Variants in DST observed in about 807,000 individuals in gnomAD.
DST encodes the protein dystonin.
Under a neutral mutation model 875.2 loss-of-function variants are expected in DST, and 253 were observed. The observed-to-expected ratio is 0.29, with a 90% CI of 0.26 to 0.32. The LOEUF (loss-of-function observed/expected upper bound fraction) is 0.32. DST is among the 10% of genes least tolerant of loss of function. The pLI, the probability that DST is intolerant of heterozygous loss-of-function variation, is 1.00. For missense variants in DST, 8,287 were observed against 9,111.6 expected, an observed-to-expected ratio of 0.91 and a Z score of 3.68; for synonymous variants, 3,124 against 3,197.1, an observed-to-expected ratio of 0.98 and a Z score of 0.77.
intron 72 of DST, among the ~76,000 whole-genome samples, chr6:56,512,998 TC>T (rs1161952983): frequency 2.6e-5 from 4 of 152,192 alleles, no homozygotes; most frequent in African/African-American, 9.7e-5. Context: ...TGATGGTATA[TC>T]AGCTATAGAT....
chr6:56,949,686 G>C (rs1821383729), intron 2 of DST, among the ~76,000 whole-genome samples: 2 of 152,158 alleles, frequency 1.3e-5, no homozygotes, highest in African/African-American at 4.8e-5. Context: ...ACTTATGGCT[G>C]ATTTAATTAG....
chr6:56,540,104 T>G (rs2097099796), intron 61 of DST, among the ~76,000 whole-genome samples: 1 of 152,248 alleles, frequency 6.6e-6, no homozygotes, highest in Non-Finnish European at 1.5e-5. Context: ...TAATTTGTTA[T>G]AATTATCCAT....
chr6:56,838,235 T>C (rs927158395), intron 4 of DST, among the ~76,000 whole-genome samples: 1 of 152,260 alleles, frequency 6.6e-6, no homozygotes. Context: ...TGCACTTTTA[T>C]ACTCAGTTGT....
At chr6:56,708,798 G>A (rs2099351084) in intron 5 of DST, among the ~76,000 whole-genome samples, 1 of 152,100 alleles carries the variant, frequency 6.6e-6, no homozygotes, top group Non-Finnish European at 1.5e-5. Flanking sequence ...GAAATTTAAG[G>A]GAAAGAAAAG....
intron 2 of DST, among the ~76,000 whole-genome samples, chr6:56,912,248 G>A (rs999830772): frequency 2.0e-5 from 3 of 152,116 alleles, no homozygotes; most frequent in Admixed American, 1.3e-4. Context: ...TCTTGGGGTC[G>A]GGCGCAGCAC....
chr6:56,843,717 G>T (rs1428335353), intron 4 of DST: 3 of 366,606 alleles, frequency 8.2e-6, no homozygotes, highest in Admixed American at 1.3e-4. Context: ...GAGGGTGGAG[G>T]GTGGAGGGTG....
At position 56,526,361 on chromosome 6, in the gene DST, C is replaced by G; in HGVS notation, c.18129G>C (p.Gln6043His). Residue 6043 changes from glutamine to histidine, a missense_variant and splice_region_variant, in exon 69 of 104, where the codon CAG becomes CAC. By Grantham distance (24) the Gln-to-His change is conservative. This residue lies in a region of DST where 777 missense variants were observed against 764.8 expected (regional missense o/e 1.02). Transcript: ENST00000680361. ...TAAACAACAAACCATTTTTCCCTAC[C>G]TGCTGTGATCGCAGAATGGCTGCAT... ...EIDAAILRSQ[Q>H]FDQAADAELS... 6.2e-7 allele frequency: 1 copy of G among 1,613,496 alleles called. No homozygotes were observed. The highest frequency in any genetic ancestry group is 8.5e-7 in the Non-Finnish European group (1 of 1,179,678).
chr6:56,616,277 G>A (rs750422351), intron 36 of DST: 2 of 1,613,904 alleles, frequency 1.2e-6, no homozygotes, highest in Non-Finnish European at 1.7e-6. Context: ...GTGTAATCCT[G>A]TTTTAGTATC....
At chr6:56,516,597 T>G (rs910569419) in intron 71 of DST, among the ~76,000 whole-genome samples, 4 of 152,204 alleles carry the variant, frequency 2.6e-5, no homozygotes, top group African/African-American at 9.6e-5. Flanking sequence ...GGGATATCTT[T>G]CCTACCAGAA....
Position 56,679,599 on chromosome 6 carries a change from TA to T in DST, c.1048-8793del, listed in dbSNP as rs1165137050. On this transcript the variant is annotated intron_variant, in intron 9 of 103. Coordinates refer to ENST00000680361, the MANE Select transcript of DST (RefSeq NM_001374736.1). Reference sequence around the variant, plus strand: ...GCAACATAGGAAGACTATGTCTCATTAAAAAAAAAAAAAAAAAAAAAATTAG... The same window carrying T: ...GCAACATAGGAAGACTATGTCTCATTAAAAAAAAAAAAAAAAAAAAATTAG... 9.0e-3 allele frequency among the ~76,000 whole-genome samples: 1,006 copies of T among 111,854 alleles called. 10 individuals are homozygous for T. Among genetic ancestry groups the T allele is most frequent in the South Asian group, 0.029 (97 of 3,364 alleles). The allele number at this position is 111,854 out of a possible 152,430, so 73.4% of individuals were successfully genotyped here. A position where few individuals can be genotyped will look rare whatever the true frequency, so the allele number is the denominator to read the frequency against.
intron 9 of DST, among the ~76,000 whole-genome samples, chr6:56,671,664 C>T (rs1388656349): frequency 6.6e-6 from 1 of 152,068 alleles, no homozygotes; most frequent in Non-Finnish European, 1.5e-5. Flanking sequence ...GTGACTTTAC[C>T]AGGGGTCACA....
intron 28 of DST, 80 bp from the exon 29 acceptor site, chr6:56,632,120 T>G (rs2098786356): frequency 1.8e-6 from 2 of 1,100,776 alleles, no homozygotes; most frequent in Non-Finnish European, 2.7e-6. Context: ...TATGAGAATT[T>G]TATATTACTG....
chr6:56,887,291 T>G (rs1389681425), intron 3 of DST, among the ~76,000 whole-genome samples: 2 of 152,202 alleles, frequency 1.3e-5, no homozygotes, highest in Non-Finnish European at 2.9e-5. Flanking sequence ...TGGCTATGCT[T>G]CATCCTCTCC....
chr6:56,739,375 GA>G (rs1340510908), intron 4 of DST, among the ~76,000 whole-genome samples: 1 of 152,044 alleles, frequency 6.6e-6, no homozygotes, highest in Non-Finnish European at 1.5e-5. Context: ...CAAGGAAACA[GA>G]AACAATTTAC....
In DST at chr6:56,573,682, G is replaced by A; in HGVS notation, c.13233C>T (p.Asn4411=). 1 of 1,610,594 alleles carries A rather than the reference G, an allele frequency of 6.2e-7. No homozygotes were observed. The highest frequency in any genetic ancestry group is 1.3e-5 in the African/African-American group (1 of 74,918). The stretch of plus-strand genomic sequence containing the variant: ...ACTTTTTTTTAAAGTCACTTACAAT[G>A]TTTTTACTGATAATATCCTGAAGAG... ...STALQDIISK[N]IMLEQDIAGR... is the part of the protein sequence containing the mutation. The change falls in exon 51 of 104, where the codon AAC becomes AAT. Residue 4411 remains asparagine, a synonymous_variant. Coordinates refer to ENST00000680361, the MANE Select transcript of DST (RefSeq NM_001374736.1).
intron 55 of DST, among the ~76,000 whole-genome samples, chr6:56,565,045 A>C (rs764244592): frequency 2.6e-5 from 4 of 151,332 alleles, no homozygotes; most frequent in Admixed American, 6.6e-5. Flanking sequence ...TGTCTCTGCC[A>C]GGTTTTGGTA....
intron 34 of DST, 94 bp downstream of exon 34, chr6:56,627,110 A>G: frequency 2.1e-6 from 2 of 968,244 alleles, no homozygotes; most frequent in Non-Finnish European, 3.3e-6. Context: ...GATTCTTTTA[A>G]ACACTGAGTG....
chr6:56,557,597 G>C (rs1264784876), intron 58 of DST, 79 bp from the exon 59 acceptor site: 1 of 1,057,906 alleles, frequency 9.5e-7, no homozygotes, highest in Middle Eastern at 2.8e-4. Flanking sequence ...TGTATGGTAT[G>C]ATTTAAAATG....
At position 56,536,770 on chromosome 6, in the gene DST, G is replaced by C. The variant is rs747510950; in HGVS notation, c.16770+9C>G. 1.3e-6 allele frequency: 2 copies of C among 1,524,544 alleles called. No homozygotes were observed. The highest frequency in any genetic ancestry group is 2.0e-5 in the Admixed American group (1 of 49,524). The allele number at this position is 1,524,544 out of a possible 1,614,324, so 94.4% of individuals were successfully genotyped here. A position where few individuals can be genotyped will look rare whatever the true frequency, so the allele number is the denominator to read the frequency against. On this transcript the variant is annotated intron_variant, in intron 62 of 103. Coordinates refer to ENST00000680361, the MANE Select transcript of DST (RefSeq NM_001374736.1). ...AGCAAAATAGCAATGAAGGGGGTGAGAAAATTACCTTCTTATTGAGAGTCT... is the reference window on the plus strand; with the variant it reads ...AGCAAAATAGCAATGAAGGGGGTGACAAAATTACCTTCTTATTGAGAGTCT...
Sources: gnomAD v4.1 joint callset for allele counts (sites outside exome capture counted in the v4.1 genomes callset) on GRCh38, gnomAD v4.1.1 for gene constraint, gnomAD v4.1.1 regional missense constraint, MANE v1.5 for transcripts, NCBI Gene and HGNC (gene_info 2026-07-23, HGNC 2026-07-21) for gene names.